PREX1: variants seen among roughly 807,000 people sequenced by gnomAD.
The protein encoded by PREX1 is phosphatidylinositol-3,4,5-trisphosphate dependent Rac exchange factor 1, also known as phosphatidylinositol 3,4,5-trisphosphate-dependent Rac exchanger 1 protein.
PREX1 carries 41 observed loss-of-function variants against 198.3 expected under a neutral mutation model. The ratio of observed to expected loss-of-function variants is 0.21; its 90% CI spans 0.16 to 0.27. The LOEUF is 0.27. PREX1 is among the 10% of genes least tolerant of loss of function. The pLI is 1.00. For missense variants in PREX1, 1,620 were observed against 2,200.7 expected (o/e 0.74, Z 5.28); for synonymous variants, 843 against 887.2 (o/e 0.95, Z 0.89).
At chr20:48,788,634 T>G (rs1211516797) in intron 1 of PREX1, among the ~76,000 whole-genome samples, 1 of 152,238 alleles carries the variant, frequency 6.6e-6, no homozygotes, top group Admixed American at 6.5e-5. Flanking sequence ...TATATGAGTC[T>G]GACTGGTTTG....
intron 1 of PREX1, among the ~76,000 whole-genome samples, chr20:48,763,429 G>A (rs1206100609): frequency 1.3e-5 from 2 of 152,196 alleles, no homozygotes; most frequent in African/African-American, 4.8e-5. Context: ...AGGATGCAGG[G>A]CGGGGTGGCT....
intron 6 of PREX1, among the ~76,000 whole-genome samples, chr20:48,707,973 G>A (rs988419082): frequency 6.6e-6 from 1 of 152,174 alleles, no homozygotes; most frequent in Admixed American, 6.5e-5. Flanking sequence ...GAAAGAGAAG[G>A]GGTGGGGAGA....
chr20:48,797,079 C>T lies in PREX1; in HGVS notation c.219+30563G>A, dbSNP rs182571655. 5.3e-3 allele frequency among the ~76,000 whole-genome samples: 801 copies of T among 151,688 alleles called. 6 individuals carry two copies. Among genetic ancestry groups the T allele is most frequent in the Non-Finnish European group, 8.6e-3 (583 of 67,916 alleles). ...TTGTACATTTTGCATACAAGATATA[C>T]CTAAAATAATTAAAATTTTAAAATT... On this transcript the variant is annotated intron_variant, in intron 1 of 39. Coordinates refer to ENST00000371941, the MANE Select transcript of PREX1 (RefSeq NM_020820.4).
At chr20:48,635,814 G>A (rs1043492315) in intron 32 of PREX1, among the ~76,000 whole-genome samples, 1 of 152,208 alleles carries the variant, frequency 6.6e-6, no homozygotes, top group Non-Finnish European at 1.5e-5. Context: ...GTGGTGTTTG[G>A]AGAATGAAGG....
intron 11 of PREX1, among the ~76,000 whole-genome samples, 188 bp from the exon 12 acceptor site, chr20:48,679,942 T>A (rs772511769): frequency 6.6e-6 from 1 of 152,178 alleles, no homozygotes; most frequent in East Asian, 1.9e-4. Context: ...GTGCTATGAC[T>A]TCCCCATTTT....
chr20:48,850,923 G>C, the PREX1 span, among the ~76,000 whole-genome samples: 1 of 152,176 alleles, frequency 6.6e-6, no homozygotes, highest in African/African-American at 2.4e-5. Flanking sequence ...GCCTGCTTTT[G>C]TACAGCTTGT....
chr20:48,679,777 G>C, intron 11 of PREX1, 23 bp from the exon 12 acceptor site: 1 of 1,575,704 alleles, frequency 6.3e-7, no homozygotes, highest in Non-Finnish European at 8.7e-7. Flanking sequence ...GAGGACCTGT[G>C]ACGCTGGGCA....
At chr20:48,882,308 C>T in the PREX1 span, among the ~76,000 whole-genome samples, 1 of 151,878 alleles carries the variant, frequency 6.6e-6, no homozygotes, top group East Asian at 1.9e-4. Context: ...CAAGACCATC[C>T]TGGCTAACAC....
intron 5 of PREX1, among the ~76,000 whole-genome samples, chr20:48,715,712 T>C (rs1453821844): frequency 6.6e-6 from 1 of 152,224 alleles, no homozygotes; most frequent in African/African-American, 2.4e-5. Flanking sequence ...ATAGTGGCTA[T>C]TTCTTATGAT....
chr20:48,769,462 G>A (rs1020403277), intron 1 of PREX1, among the ~76,000 whole-genome samples: 2 of 152,156 alleles, frequency 1.3e-5, no homozygotes, highest in East Asian at 3.9e-4. Flanking sequence ...CATGGGGCCG[G>A]CTTCGTACAT....
chr20:48,652,591 T>C lies in PREX1; in HGVS notation c.2462A>G (p.Asp821Gly), dbSNP rs756810058. The C allele has an allele frequency of 7.8e-5, 125 of 1,610,322 alleles. No individual in the cohort carries two copies. Among genetic ancestry groups the C allele is most frequent in the Non-Finnish European group, 1.0e-4 (122 of 1,177,918 alleles). ...GEQAQEEDQA[D>G]SAFPLLSLGP... ...TGCCATGCCCCGTCTATTACCTGAA[T>C]CAGCCTGGTCTTCCTCCTGGGCCTG... The change falls in exon 21 of 40, where the codon GAT becomes GGT. Residue 821 changes from aspartate (D) to glycine (G), a missense_variant. Around this residue, in one of 7 missense-constraint regions of PREX1, gnomAD observed 514 missense variants for 611.6 expected, o/e 0.84. Coordinates refer to ENST00000371941, the MANE Select transcript of PREX1 (RefSeq NM_020820.4).
intron 14 of PREX1, among the ~76,000 whole-genome samples, chr20:48,667,358 C>T (rs962375001): frequency 4.6e-5 from 7 of 152,218 alleles, no homozygotes; most frequent in Non-Finnish European, 1.0e-4. Context: ...TGACCAAGCA[C>T]CAGCTAATAA....
chr20:48,669,021 A>T (rs1246944625), intron 14 of PREX1, among the ~76,000 whole-genome samples: 1 of 152,042 alleles, frequency 6.6e-6, no homozygotes, highest in African/African-American at 2.4e-5. Flanking sequence ...CAGATGTGCC[A>T]CCTGAACAGG....
chr20:48,651,096 C>A, intron 22 of PREX1, 41 bp from the exon 23 acceptor site: 1 of 1,605,590 alleles, frequency 6.2e-7, no homozygotes, highest in Non-Finnish European at 8.5e-7. Flanking sequence ...CCCTGTGTGC[C>A]GGGAAGATTT....
intron 32 of PREX1, 137 bp downstream of exon 32, chr20:48,636,326 G>C (rs1264046151): frequency 2.2e-6 from 2 of 889,662 alleles, no homozygotes; most frequent in East Asian, 5.3e-5. Context: ...CAGCACACAG[G>C]TGCTCAACAA....
chr20:48,883,211 G>A, the PREX1 span, among the ~76,000 whole-genome samples: 1 of 152,002 alleles, frequency 6.6e-6, no homozygotes, highest in Admixed American at 6.6e-5. Flanking sequence ...TGGGATTACA[G>A]GCATGAGACA....
At chr20:48,887,631 TAAAC>T in the PREX1 span, among the ~76,000 whole-genome samples, 3 of 146,660 alleles carry the variant, frequency 2.0e-5, no homozygotes, top group Non-Finnish European at 4.5e-5. Flanking sequence ...AAATAATAAA[TAAAC>T]AAATAAATAA....
chr20:48,692,038 C>A (rs779148805), intron 8 of PREX1, among the ~76,000 whole-genome samples: 1 of 152,110 alleles, frequency 6.6e-6, no homozygotes, highest in Non-Finnish European at 1.5e-5. Context: ...CACAGTTGCA[C>A]GCCACCATGT....
rs557096471 is a variant in PREX1 at position 48,792,567 on chromosome 20, C to T, written c.219+35075G>A. 9.2e-5 allele frequency among the ~76,000 whole-genome samples: 14 copies of T among 152,210 alleles called. No homozygotes were observed. The East Asian group carries it at 2.7e-3, about 29-fold the overall frequency. On this transcript the variant is annotated intron_variant, in intron 1 of 39. Transcript: ENST00000371941. The stretch of plus-strand genomic sequence containing the variant: ...GAACTCACTCAATCGTCCCAAGAAA[C>T]CTATGAGACCATTCCTAGGTAAAAG...
Sources: allele counts gnomAD v4.1 joint callset (sites outside exome capture counted in the v4.1 genomes callset), GRCh38; gene constraint gnomAD v4.1.1; regional missense constraint gnomAD v4.1.1; transcripts MANE v1.5; gene names NCBI Gene and HGNC (gene_info 2026-07-23, HGNC 2026-07-21).